DOCK4: variants seen among roughly 807,000 people sequenced by gnomAD.
DOCK4 encodes the protein dedicator of cytokinesis 4.
In DOCK4, 97 loss-of-function variants were observed where a neutral mutation model predicts 268.1. That is an observed-to-expected ratio of 0.36 (90% confidence interval 0.31 to 0.43). DOCK4 has a LOEUF of 0.43. DOCK4 is among the 20% of genes least tolerant of loss of function. The pLI, the probability that DOCK4 is intolerant of heterozygous loss-of-function variation, is 1.00. For missense variants in DOCK4, 2,145 were observed against 2,455.7 expected (o/e 0.87, Z 2.67); for synonymous variants, 954 against 887.2 (o/e 1.08, Z -1.34).
chr7:112,145,436 C>T (rs1401615555), intron 1 of DOCK4, among the ~76,000 whole-genome samples: 1 of 152,166 alleles, frequency 6.6e-6, no homozygotes, highest in Non-Finnish European at 1.5e-5. Flanking sequence ...GAGGCACATG[C>T]AGGCATATGT....
At chr7:112,057,430 A>G (rs965568061) in intron 1 of DOCK4, among the ~76,000 whole-genome samples, 1 of 152,004 alleles carries the variant, frequency 6.6e-6, no homozygotes, top group African/African-American at 2.4e-5. Context: ...AGGTGCCTGT[A>G]GTCCCAGCTG....
At chr7:112,150,854 G>C (rs2116389208) in intron 1 of DOCK4, among the ~76,000 whole-genome samples, 1 of 152,244 alleles carries the variant, frequency 6.6e-6, no homozygotes, top group East Asian at 1.9e-4. Flanking sequence ...GGGAACATCA[G>C]CAACAGCAAC....
chr7:112,205,379 T>G (rs1239950189), intron 1 of DOCK4, among the ~76,000 whole-genome samples: 2 of 151,566 alleles, frequency 1.3e-5, no homozygotes, highest in Non-Finnish European at 2.9e-5. Context: ...TCACCCGGGG[T>G]CGAGAGGGTG....
At chr7:111,870,314 T>C (rs764818982) in intron 20 of DOCK4, among the ~76,000 whole-genome samples, 1 of 150,570 alleles carries the variant, frequency 6.6e-6, no homozygotes, top group Non-Finnish European at 1.5e-5. Context: ...TCTTTTTTCT[T>C]TTTCTTTTCT....
chr7:112,196,143 G>A (rs538061369), intron 1 of DOCK4, among the ~76,000 whole-genome samples: 9 of 152,206 alleles, frequency 5.9e-5, no homozygotes, highest in Non-Finnish European at 8.8e-5. Context: ...CCTGGATCTC[G>A]AACCTCTCTA....
chr7:111,864,819 G>A (rs1805839915), intron 22 of DOCK4, among the ~76,000 whole-genome samples: 1 of 152,158 alleles, frequency 6.6e-6, no homozygotes, highest in Non-Finnish European at 1.5e-5. Context: ...TAAATAAAAT[G>A]AGCCCAGCTT....
rs181231824 is a variant in DOCK4, at chr7:112,190,008, T to C, written c.37+16094A>G. Among the ~76,000 whole-genome samples, 230 of 152,306 alleles carry C rather than the reference T, an allele frequency of 1.5e-3. 1 individual carries two copies. The highest frequency in any genetic ancestry group is 5.0e-3 in the African/African-American group (208 of 41,548). The stretch of plus-strand genomic sequence containing the variant: ...ATTCTATCACTTCTCTCACAAACAC[T>C]TGTTTTCCTCTGTGGATGTCGGGGG... On this transcript the variant is annotated intron_variant, in intron 1 of 52. Transcript: ENST00000428084.
At chr7:112,061,624 A>C (rs1328807675) in intron 1 of DOCK4, among the ~76,000 whole-genome samples, 3 of 152,048 alleles carry the variant, frequency 2.0e-5, no homozygotes, top group African/African-American at 4.8e-5. Flanking sequence ...ATAAAAAAAA[A>C]CTCTTAAACA....
At chr7:111,937,722 G>A (rs1237152866) in intron 11 of DOCK4, among the ~76,000 whole-genome samples, 1 of 152,228 alleles carries the variant, frequency 6.6e-6, no homozygotes, top group Non-Finnish European at 1.5e-5. Flanking sequence ...AGACTATGGT[G>A]TGAAATAACA....
rs1272789318 is a variant in DOCK4, at chr7:111,977,302, C to T, written c.550-19G>A. On this transcript the variant is annotated intron_variant, in intron 7 of 52. Transcript: ENST00000428084. ...GTTCCATCTGAATGACACCCCCCAA[C>T]AAAAACATGATCAGCATGGACTGAA... is the stretch of plus-strand genomic sequence containing the variant. 11 of 1,580,186 alleles carry T rather than the reference C, an allele frequency of 7.0e-6. No individual in the cohort carries two copies. Among genetic ancestry groups the T allele is most frequent in the Middle Eastern group, 3.5e-4 (2 of 5,736 alleles).
At chr7:112,115,226 AG>A (rs1479255370) in intron 1 of DOCK4, among the ~76,000 whole-genome samples, 1 of 152,254 alleles carries the variant, frequency 6.6e-6, no homozygotes, top group Non-Finnish European at 1.5e-5. Flanking sequence ...AAATATATAC[AG>A]AAAAAAATCT....
chr7:111,772,451 T>C (rs954695666), intron 36 of DOCK4, among the ~76,000 whole-genome samples: 8 of 152,152 alleles, frequency 5.3e-5, no homozygotes, highest in African/African-American at 4.8e-5. Flanking sequence ...ACCACTGAAC[T>C]GTACACTTAA....
At chr7:112,042,638 C>T (rs968715339) in intron 1 of DOCK4, among the ~76,000 whole-genome samples, 10 of 152,190 alleles carry the variant, frequency 6.6e-5, no homozygotes, top group Non-Finnish European at 4.4e-5. Flanking sequence ...CAACTGCTTA[C>T]CATCTGCATG....
intron 21 of DOCK4, 56 bp downstream of exon 21, chr7:111,869,518 G>A: frequency 6.7e-7 from 1 of 1,495,814 alleles, no homozygotes; most frequent in African/African-American, 1.4e-5. Flanking sequence ...ATTAGTTTAA[G>A]CATCAGCATG....
At chr7:111,816,518 G>T (rs528428673) in intron 27 of DOCK4, among the ~76,000 whole-genome samples, 2 of 152,228 alleles carry the variant, frequency 1.3e-5, no homozygotes, top group Admixed American at 6.5e-5. Flanking sequence ...ACTACCTATG[G>T]CTTGGGAGGT....
Position 111,845,671 on chromosome 7 carries a change from G to T in DOCK4, c.2602-774C>A, listed in dbSNP as rs375539723. On this transcript the variant is annotated intron_variant, in intron 24 of 52. Coordinates refer to ENST00000428084, the MANE Select transcript of DOCK4 (RefSeq NM_001363540.2). ...GAGTTTGAAAGAGCTTTTTGGCTAGGATTTTATGATAAATTTTCTTACACT... is the reference window on the plus strand; with the variant it reads ...GAGTTTGAAAGAGCTTTTTGGCTAGTATTTTATGATAAATTTTCTTACACT... Among the ~76,000 whole-genome samples the T allele has an allele frequency of 2.1e-4, 32 of 152,212 alleles. No homozygotes were observed. In the East Asian group the frequency reaches 3.1e-3, roughly 15 times the overall value.
chr7:111,845,534 C>T (rs998706215), intron 24 of DOCK4, among the ~76,000 whole-genome samples: 2 of 152,142 alleles, frequency 1.3e-5, no homozygotes, highest in African/African-American at 4.8e-5. Context: ...TTGCTCTGCA[C>T]TGACTGTATG....
chr7:112,130,985 G>A (rs1813743100), intron 1 of DOCK4, among the ~76,000 whole-genome samples: 1 of 152,120 alleles, frequency 6.6e-6, no homozygotes, highest in Non-Finnish European at 1.5e-5. Context: ...ACAATAAATA[G>A]GGTCATTTCT....
At chr7:112,055,074 G>A (rs932468771) in intron 1 of DOCK4, among the ~76,000 whole-genome samples, 4 of 152,126 alleles carry the variant, frequency 2.6e-5, no homozygotes, top group Non-Finnish European at 5.9e-5. Context: ...TAGAAACTGC[G>A]ACTTTCAGTC....
Sources: gnomAD v4.1 joint callset for allele counts (sites outside exome capture counted in the v4.1 genomes callset) on GRCh38, gnomAD v4.1.1 for gene constraint, MANE v1.5 for transcripts, NCBI Gene and HGNC (gene_info 2026-07-23, HGNC 2026-07-21) for gene names.